The following CYP20A1 variants were observed in gnomAD, a reference collection of about 807,000 sequenced individuals.
CYP20A1 encodes the protein cytochrome P450 20A1.
In CYP20A1, 61 loss-of-function variants were observed where a neutral mutation model predicts 61.4. That is an observed-to-expected ratio of 0.99 (90% confidence interval 0.81 to 1.23). The LOEUF is 1.23. CYP20A1 is among the 50% of genes most tolerant of loss of function. The pLI, the probability that CYP20A1 is intolerant of heterozygous loss-of-function variation, is 0.00. For synonymous variants in CYP20A1, 193 were observed against 188.2 expected (o/e 1.03, Z -0.21); for missense variants, 530 against 542.4 (o/e 0.98, Z 0.23).
intron 8 of CYP20A1, among the ~76,000 whole-genome samples, chr2:203,281,181 A>C (rs925233404): frequency 1.3e-5 from 2 of 152,220 alleles, no homozygotes; most frequent in African/African-American, 2.4e-5. Flanking sequence ...TTCAATAGGC[A>C]TAAAAATACA....
chr2:203,248,343 G>A (rs186976220), intron 3 of CYP20A1, among the ~76,000 whole-genome samples: 1 of 152,178 alleles, frequency 6.6e-6, no homozygotes, highest in Non-Finnish European at 1.5e-5. Context: ...AGACCAGCCT[G>A]GCCAACATGG....
intron 11 of CYP20A1, among the ~76,000 whole-genome samples, chr2:203,295,013 C>T (rs1452599346): frequency 5.2e-5 from 5 of 95,872 alleles, no homozygotes; most frequent in Admixed American, 1.5e-4. Flanking sequence ...AGTACAGTGG[C>T]GCGATCCCGG....
At chr2:203,249,590 A>T (rs569678740) in intron 3 of CYP20A1, among the ~76,000 whole-genome samples, 230 of 152,330 alleles carry the variant, frequency 1.5e-3, no homozygotes, top group African/African-American at 5.3e-3. Flanking sequence ...CACGCCTGTA[A>T]TCCCAGCACT....
chr2:203,302,768 C>T lies in CYP20A1; in HGVS notation c.*5860C>T, dbSNP rs563013079. Among the ~76,000 whole-genome samples the T allele has an allele frequency of 6.6e-6, 1 of 152,118 alleles. No homozygotes were observed. The highest frequency in any genetic ancestry group is 1.5e-5 in the Non-Finnish European group (1 of 68,020). On this transcript the variant is annotated 3_prime_UTR_variant, in exon 13 of 13. Coordinates refer to ENST00000356079, the MANE Select transcript of CYP20A1 (RefSeq NM_177538.3). ...AATGCAGTGGCGTGATCTCGGCTCACTGCAACCTCTGCCTCCCAGGTTCAA... is the reference window on the plus strand; with the variant it reads ...AATGCAGTGGCGTGATCTCGGCTCATTGCAACCTCTGCCTCCCAGGTTCAA...
Position 203,280,158 on chromosome 2 carries a change from T to C in CYP20A1, c.850+45T>C, listed in dbSNP as rs377677143. 139 of 1,485,378 alleles carry C rather than the reference T, an allele frequency of 9.4e-5. 1 individual carries two copies. The highest frequency in any genetic ancestry group is 4.2e-4 in the Middle Eastern group (2 of 4,726). 92.0% of individuals were successfully genotyped at this position (1,485,378 alleles called of 1,614,324 possible). A position where few individuals can be genotyped will look rare whatever the true frequency, so the allele number is the denominator to read the frequency against. On this transcript the variant is annotated intron_variant, in intron 8 of 12. Coordinates refer to ENST00000356079, the MANE Select transcript of CYP20A1 (RefSeq NM_177538.3). ...TTTTTCAGAGGAATTACTAAATATA[T>C]AGGCTGAGCACAGTGGCTCACACCT...
At position 203,239,048 on chromosome 2, in the gene CYP20A1, C is replaced by T; in HGVS notation, c.-15C>T. ...AGCGGCCGATCCGAGACGTGGCTCC[C>T]TGGGCGGCAGAACCATGTTGGACTT... On this transcript the variant is annotated 5_prime_UTR_variant, in exon 1 of 13. Transcript: ENST00000356079. 3.1e-6 allele frequency: 5 copies of T among 1,613,148 alleles called. No homozygotes were observed. The highest frequency in any genetic ancestry group is 2.2e-5 in the East Asian group (1 of 44,854).
At chr2:203,252,247 G>T in intron 4 of CYP20A1, 138 bp downstream of exon 4, 1 of 659,776 alleles carries the variant, frequency 1.5e-6, no homozygotes, top group Non-Finnish European at 2.3e-6. Context: ...AATTAAAAAC[G>T]ACAACAATAA....
chr2:203,259,414 G>A (rs373378813), intron 4 of CYP20A1, among the ~76,000 whole-genome samples: 4 of 152,060 alleles, frequency 2.6e-5, no homozygotes, highest in Non-Finnish European at 5.9e-5. Flanking sequence ...CTATCCTCAC[G>A]GTAGTGAATT....
Position 203,298,817 on chromosome 2 carries a change from G to A in CYP20A1, c.*1909G>A, listed in dbSNP as rs993806741. On this transcript the variant is annotated 3_prime_UTR_variant, in exon 13 of 13. Transcript: ENST00000356079. ...TGGGAAGCCGACATGGGCAGATCAC[G>A]AGGTCAAGAGATTTGAGACCATCCT... Among the ~76,000 whole-genome samples, 2 of 151,872 alleles carry A rather than the reference G, an allele frequency of 1.3e-5. No homozygotes were observed. The highest frequency in any genetic ancestry group is 4.2e-4 in the South Asian group (2 of 4,812).
At chr2:203,285,542 T>A (rs2068228478) in intron 8 of CYP20A1, 70 bp from the exon 9 acceptor site, 2 of 1,413,082 alleles carry the variant, frequency 1.4e-6, no homozygotes, top group Non-Finnish European at 9.3e-7. Context: ...AATAAGTAGT[T>A]TTTTTCTTAT....
At chr2:203,274,991 A>G (rs887096894) in intron 6 of CYP20A1, among the ~76,000 whole-genome samples, 1 of 152,218 alleles carries the variant, frequency 6.6e-6, no homozygotes, top group Non-Finnish European at 1.5e-5. Flanking sequence ...AGAAATGATT[A>G]TGTTCTAGTA....
In CYP20A1 at chr2:203,301,564, C is replaced by A. The variant is rs2069023610; in HGVS notation, c.*4656C>A. 1.3e-5 allele frequency among the ~76,000 whole-genome samples: 2 copies of A among 152,044 alleles called. No individual in the cohort carries two copies. The highest frequency in any genetic ancestry group is 2.9e-5 in the Non-Finnish European group (2 of 68,024). ...GAGATTGCAGGTGTGAGCCACGGCA[C>A]CTGGTCCATAAAACATTTTTTTATG... On this transcript the variant is annotated 3_prime_UTR_variant, in exon 13 of 13. Transcript: ENST00000356079.
At chr2:203,265,654 C>T (rs1378683213) in intron 4 of CYP20A1, among the ~76,000 whole-genome samples, 4 of 151,998 alleles carry the variant, frequency 2.6e-5, no homozygotes. Flanking sequence ...ATTACAGATC[C>T]TTAATTTAAT....
chr2:203,240,046 A>T (rs747450007), intron 1 of CYP20A1, among the ~76,000 whole-genome samples: 1 of 152,202 alleles, frequency 6.6e-6, no homozygotes, highest in African/African-American at 2.4e-5. Context: ...CAGTGAGCCA[A>T]GATCGCACCA....
At chr2:203,256,299 C>T (rs891057743) in intron 4 of CYP20A1, among the ~76,000 whole-genome samples, 1 of 151,880 alleles carries the variant, frequency 6.6e-6, no homozygotes, top group African/African-American at 2.4e-5. Context: ...ATCATAACAC[C>T]CCGTGCCTTT....
chr2:203,239,271 G>A, intron 1 of CYP20A1, 137 bp downstream of exon 1: 1 of 728,970 alleles, frequency 1.4e-6, no homozygotes, highest in Non-Finnish European at 2.3e-6. Context: ...CAGAGCTTCA[G>A]CGCGGGGACC....
At position 203,285,626 on chromosome 2, in the gene CYP20A1, ATC is replaced by A; in HGVS notation, c.867_868del (p.Ile289MetfsTer7). On this transcript the variant is annotated frameshift_variant, in exon 9 of 13. Transcript: ENST00000356079. LOFTEE classifies it high-confidence loss of function. ...GTTTGACCTAGTGTGTACCTGGGCA[ATC>A]TGTTTTTTAACCACCTCTGAAGAAG... ...IITAKLCTWAICFLTTSEEVQ... is the reference protein window; with the variant it reads ...IITAKLCTWAXCFLTTSEEVQ... The A allele has an allele frequency of 6.3e-7, 1 of 1,590,880 alleles. No individual in the cohort carries two copies. The highest frequency in any genetic ancestry group is 1.8e-4 in the Middle Eastern group (1 of 5,484).
rs539282547 is a variant in CYP20A1 at position 203,277,673 on chromosome 2, G to A, written c.680-900G>A. Among the ~76,000 whole-genome samples the A allele has an allele frequency of 1.6e-4, 25 of 152,066 alleles. 1 individual carries two copies. The East Asian group carries it at 4.9e-3, about 30-fold the overall frequency. ...TGAGATTACAGGTGCCTGCCACTGA[G>A]CCCACCTAATTTTTGTATTTTTAGT... is the stretch of plus-strand genomic sequence containing the variant. On this transcript the variant is annotated intron_variant, in intron 6 of 12. Transcript: ENST00000356079.
intron 11 of CYP20A1, among the ~76,000 whole-genome samples, chr2:203,295,031 C>T (rs1575281631): frequency 7.2e-6 from 1 of 138,024 alleles, no homozygotes; most frequent in East Asian, 2.2e-4. Context: ...CGGCTCACTG[C>T]AAGCTCCGCC....
Sources: gnomAD v4.1 joint callset for allele counts (sites outside exome capture counted in the v4.1 genomes callset) on GRCh38, gnomAD v4.1.1 for gene constraint, MANE v1.5 for transcripts, NCBI Gene and HGNC (gene_info 2026-07-23, HGNC 2026-07-21) for gene names.